The following KAT6A variants were observed in gnomAD, a reference collection of about 807,000 sequenced individuals.
KAT6A encodes lysine acetyltransferase 6A.
A neutral mutation model predicts 198.4 loss-of-function variants in KAT6A; 9 were observed. The observed-to-expected ratio is 0.05, with a 90% confidence interval of 0.03 to 0.08. KAT6A has a LOEUF of 0.08. Among genes scored for constraint, KAT6A ranks in the 10% least tolerant of loss-of-function variants. The probability of loss-of-function intolerance (pLI) is 1.00; values close to 1 mark genes in which losing one functional copy is unlikely to be tolerated. For synonymous variants in KAT6A, 890 were observed against 883.0 expected, an observed-to-expected ratio of 1.01 and a Z score of -0.14; for missense variants, 2,077 against 2,509.9, an observed-to-expected ratio of 0.83 and a Z score of 3.69.
chr8:41,934,535 T>TTTC lies in KAT6A; in HGVS notation c.3684_3685insGAA (p.Glu1228dup). ...TCAGCCTCTTCTGCCTCTGCTTGCA[T>TTTC]CTCCTCCTCCTCCTTCCTCTCCTCG... is the stretch of plus-strand genomic sequence containing the variant. On this transcript the variant is annotated inframe_insertion, in exon 17 of 17. Transcript: ENST00000265713. 2.5e-6 allele frequency: 4 copies of TTTC among 1,613,774 alleles called. No individual in the cohort carries two copies. The highest frequency in any genetic ancestry group is 3.4e-6 in the Non-Finnish European group (4 of 1,179,924).
chr8:41,954,452 C>T (rs1394035389), intron 9 of KAT6A, among the ~76,000 whole-genome samples: 1 of 152,056 alleles, frequency 6.6e-6, no homozygotes, highest in East Asian at 1.9e-4. Flanking sequence ...CTTGTAACAC[C>T]CTACTAAATG....
In KAT6A at chr8:41,942,884, G is replaced by A; in HGVS notation, c.2345C>T (p.Ser782Phe). Residue 782 changes from serine to phenylalanine, a missense_variant, in exon 14 of 17, where the codon TCC becomes TTC. Transcript: ENST00000265713. ...TTCCTCCTCTGAGACCACAGAGTTG[G>A]ACACTATGACTGGAGTCCAGCGCAA... The part of the protein sequence containing the change: ...ECLRWTPVIV[S>F]NSVVSEEEEE... 1 of 1,614,094 alleles carries A rather than the reference G, an allele frequency of 6.2e-7. No homozygotes were observed. Among genetic ancestry groups the A allele is most frequent in the Non-Finnish European group, 8.5e-7 (1 of 1,180,022 alleles).
chr8:42,005,393 G>T (rs1825688416), intron 2 of KAT6A, among the ~76,000 whole-genome samples: 2 of 152,178 alleles, frequency 1.3e-5, no homozygotes, highest in African/African-American at 4.8e-5. Flanking sequence ...GAAGCCTGAG[G>T]ACAGTAGCTT....
intron 8 of KAT6A, among the ~76,000 whole-genome samples, chr8:41,962,639 T>G (rs1454625893): frequency 6.7e-6 from 1 of 150,304 alleles, no homozygotes; most frequent in Non-Finnish European, 1.5e-5. Context: ...GCCAGAGAAA[T>G]CCTGTTAAAA....
intron 9 of KAT6A, among the ~76,000 whole-genome samples, chr8:41,954,077 GTTAGTT>G (rs1822801729): frequency 6.6e-6 from 1 of 152,130 alleles, no homozygotes; most frequent in Admixed American, 6.5e-5. Context: ...GAGCTTGTGT[GTTAGTT>G]TCCTGGGGTT....
chr8:42,048,082 TA>T (rs911002562), intron 2 of KAT6A, among the ~76,000 whole-genome samples: 7 of 151,402 alleles, frequency 4.6e-5, no homozygotes, highest in Non-Finnish European at 8.8e-5. Flanking sequence ...AGCAAAATAA[TA>T]AAAAAAAATT....
chr8:42,039,039 C>A (rs1471228274), intron 2 of KAT6A, among the ~76,000 whole-genome samples: 1 of 152,152 alleles, frequency 6.6e-6, no homozygotes, highest in East Asian at 1.9e-4. Flanking sequence ...AAGCCATCTG[C>A]TGGGAACTAT....
intron 2 of KAT6A, among the ~76,000 whole-genome samples, chr8:41,994,748 A>G (rs1300073773): frequency 1.3e-5 from 2 of 152,102 alleles, no homozygotes; most frequent in African/African-American, 4.8e-5. Context: ...TTTTAGGACC[A>G]TATTCTTACT....
chr8:42,028,545 T>C (rs1336764380), intron 2 of KAT6A, among the ~76,000 whole-genome samples: 1 of 152,214 alleles, frequency 6.6e-6, no homozygotes, highest in Non-Finnish European at 1.5e-5. Context: ...AATAGAAGTA[T>C]AGTACTCCTA....
rs1361284280 is a variant in KAT6A at position 42,023,827 on chromosome 8, C to T, written c.600+24551G>A. ...CTTATTCTACAAACTTTTCTCTATC[C>T]AAAAAAAAAAAAAAAAATTTTCTTT... On this transcript the variant is annotated intron_variant, in intron 2 of 16. Coordinates refer to ENST00000265713, the MANE Select transcript of KAT6A (RefSeq NM_006766.5). 6.5e-5 allele frequency among the ~76,000 whole-genome samples: 8 copies of T among 123,086 alleles called. No individual in the cohort carries two copies. The East Asian group carries it at 1.6e-3, about 24-fold the overall frequency. The allele number at this position is 123,086 out of a possible 152,430, so 80.7% of individuals were successfully genotyped here.
At chr8:42,026,564 CTT>C (rs1176764387) in intron 2 of KAT6A, among the ~76,000 whole-genome samples, 1 of 151,752 alleles carries the variant, frequency 6.6e-6, no homozygotes, top group East Asian at 1.9e-4. Context: ...TTTTTCCATT[CTT>C]TTGTTATTGG....
At chr8:41,972,124 T>C (rs909946236) in intron 8 of KAT6A, among the ~76,000 whole-genome samples, 2 of 151,958 alleles carry the variant, frequency 1.3e-5, no homozygotes, top group African/African-American at 4.8e-5. Flanking sequence ...AATTTAAGCA[T>C]CAAAATAAAT....
chr8:41,995,299 A>G (rs1228483823), intron 2 of KAT6A, among the ~76,000 whole-genome samples: 7 of 152,222 alleles, frequency 4.6e-5, no homozygotes, highest in African/African-American at 1.7e-4. Flanking sequence ...TTTCATGGCC[A>G]TAACTAAGTA....
rs1447455675 is a variant in KAT6A, at chr8:41,930,358, TAC to T, written c.*1845_*1846del. The T allele has an allele frequency of 4.5e-6, 1 of 220,498 alleles. No individual in the cohort carries two copies. The highest frequency in any genetic ancestry group is 9.0e-6 in the Non-Finnish European group (1 of 110,964). The allele number at this position is 220,498 out of a possible 1,614,324, so 13.7% of individuals were successfully genotyped here. Reference sequence around the variant, plus strand: ...GATGACTGGGAACTGGAATAGTATATACAGAGAAACTGGGTCCTACACAGCCT... The same window carrying T: ...GATGACTGGGAACTGGAATAGTATATAGAGAAACTGGGTCCTACACAGCCT... On this transcript the variant is annotated 3_prime_UTR_variant, in exon 17 of 17. Transcript: ENST00000265713.
At chr8:42,036,649 T>C (rs1019066161) in intron 2 of KAT6A, among the ~76,000 whole-genome samples, 1 of 151,868 alleles carries the variant, frequency 6.6e-6, no homozygotes, top group Admixed American at 6.6e-5. Flanking sequence ...GGCTGGAGTT[T>C]GCCAACATGA....
rs374455078 is a variant in KAT6A, at chr8:42,009,174, CAGTT to C, written c.601-21615_601-21612del. ...TAACTAGCTACATCAGAGAGAAAAT[CAGTT>C]AGTTAACTACAATGTGTCTCTTTCC... On this transcript the variant is annotated intron_variant, in intron 2 of 16. Coordinates refer to ENST00000265713, the MANE Select transcript of KAT6A (RefSeq NM_006766.5). Among the ~76,000 whole-genome samples the C allele has an allele frequency of 9.4e-4, 143 of 152,212 alleles. No individual in the cohort carries two copies. In the South Asian group the frequency reaches 0.028, roughly 30 times the overall value.
intron 1 of KAT6A, among the ~76,000 whole-genome samples, chr8:42,051,398 G>A (rs1422967627): frequency 3.3e-5 from 5 of 151,444 alleles, no homozygotes; most frequent in Admixed American, 2.6e-4. Flanking sequence ...CAAAGCCGGA[G>A]CCGGAACCCG....
intron 8 of KAT6A, among the ~76,000 whole-genome samples, chr8:41,963,156 C>A (rs1823293069): frequency 6.6e-6 from 1 of 152,104 alleles, no homozygotes; most frequent in African/African-American, 2.4e-5. Flanking sequence ...TTGTTCACTG[C>A]TAAATCTCTA....
intron 2 of KAT6A, among the ~76,000 whole-genome samples, chr8:41,991,045 C>T (rs1441049587): frequency 7.0e-6 from 1 of 143,316 alleles, no homozygotes; most frequent in Non-Finnish European, 1.5e-5. Flanking sequence ...GCACTGCTGA[C>T]AGGAATATAA....
Sources: gnomAD v4.1 joint callset for allele counts (sites outside exome capture counted in the v4.1 genomes callset) on GRCh38, gnomAD v4.1.1 for gene constraint, MANE v1.5 for transcripts, NCBI Gene and HGNC (gene_info 2026-07-23, HGNC 2026-07-21) for gene names.